GRM6: variants seen among roughly 807,000 people sequenced by gnomAD.
The protein encoded by GRM6 is glutamate metabotropic receptor 6, also known as metabotropic glutamate receptor 6.
Under a neutral mutation model 78.4 loss-of-function variants are expected in GRM6, and 73 were observed. The ratio of observed to expected loss-of-function variants is 0.93; its 90% CI spans 0.77 to 1.13. The LOEUF (loss-of-function observed/expected upper bound fraction) is 1.13, where lower values mean the gene tolerates loss of function less well. Among genes scored for constraint, GRM6 ranks in the 50% most tolerant of loss-of-function variants. The probability of loss-of-function intolerance (pLI) is 0.00; values close to 1 mark genes in which losing one functional copy is unlikely to be tolerated. For missense variants in GRM6, 1,251 were observed against 1,256.4 expected (o/e 1.00, Z 0.07); for synonymous variants, 580 against 555.0 (o/e 1.05, Z -0.63).
At chr5:178,985,259 A>G in intron 9 of GRM6, 1 of 456,612 alleles carries the variant, frequency 2.2e-6, no homozygotes, top group Non-Finnish European at 4.4e-6. Context: ...TTTAGAAAAT[A>G]ACTTCACTGT....
chr5:178,979,511 G>C lies in GRM6; in HGVS notation c.*2146C>G, dbSNP rs777780056. On this transcript the variant is annotated 3_prime_UTR_variant, in exon 11 of 11. Transcript: ENST00000517717. ...AGTACATGGGCCTCGCGGTGCATCA[G>C]AGTTCCTGCCAGAGAGGCCCACAGG... 6.6e-6 allele frequency: 1 copy of C among 152,208 alleles called. No homozygotes were observed. Among genetic ancestry groups the C allele is most frequent in the Admixed American group, 6.5e-5 (1 of 15,284 alleles). 9.4% of individuals were successfully genotyped at this position (152,208 alleles called of 1,614,324 possible).
intron 7 of GRM6, chr5:178,987,384 C>A: frequency 2.2e-6 from 1 of 464,380 alleles, no homozygotes; most frequent in South Asian, 1.5e-5. Flanking sequence ...GCGTTATTCA[C>A]ATAGCCACAA....
rs1255850314 is a variant in GRM6 at position 178,981,643 on chromosome 5, T to C, written c.*14A>G. ...AAGGAGAGGCAGCAAGCAGTCCCGTTCCCACCTGCCCTGCTACTTGTGGGC... is the reference window on the plus strand; with the variant it reads ...AAGGAGAGGCAGCAAGCAGTCCCGTCCCCACCTGCCCTGCTACTTGTGGGC... On this transcript the variant is annotated 3_prime_UTR_variant, in exon 11 of 11. Transcript: ENST00000517717. This position sits in a 1 kb window ranked among gnomAD's most constrained non-coding sequence, Gnocchi z 5.1. 1 of 1,605,388 alleles carries C rather than the reference T, an allele frequency of 6.2e-7. No individual in the cohort carries two copies. The highest frequency in any genetic ancestry group is 1.3e-5 in the African/African-American group (1 of 74,862).
chr5:178,985,338 A>G lies in GRM6; in HGVS notation c.2124+792T>C, dbSNP rs888682486. ...CCCCGTTTTCCTTCAAGGACCCAGC[A>G]GGGGAGATGGCGGCCCTAACTGAGC... On this transcript the variant is annotated intron_variant, in intron 9 of 10. Coordinates refer to ENST00000517717, the MANE Select transcript of GRM6 (RefSeq NM_000843.4). 7.2e-5 allele frequency: 32 copies of G among 446,974 alleles called. No individual in the cohort carries two copies. In the Middle Eastern group the frequency reaches 9.9e-4, roughly 14 times the overall value. The allele number at this position is 446,974 out of a possible 1,614,324, so 27.7% of individuals were successfully genotyped here.
intron 9 of GRM6, among the ~76,000 whole-genome samples, chr5:178,984,380 G>C (rs1466044533): frequency 6.6e-6 from 1 of 152,222 alleles, no homozygotes; most frequent in Non-Finnish European, 1.5e-5. Context: ...AAGCCCCATG[G>C]CCGGCGCACT....
In GRM6 at chr5:178,991,622, CGCT is replaced by C; in HGVS notation, c.722-66_722-64del. On this transcript the variant is annotated intron_variant, in intron 3 of 10. Coordinates refer to ENST00000517717, the MANE Select transcript of GRM6 (RefSeq NM_000843.4). This position sits in a 1 kb window ranked among gnomAD's most constrained non-coding sequence, Gnocchi z 5.0. ...CCCACCCACACACCCACCTGGCCAC[CGCT>C]GCAGAGGACTGTGTAGGCTGGCTGA... is the stretch of plus-strand genomic sequence containing the variant. 6.3e-7 allele frequency: 1 copy of C among 1,575,812 alleles called. No homozygotes were observed. The highest frequency in any genetic ancestry group is 8.7e-7 in the Non-Finnish European group (1 of 1,146,472).
chr5:178,988,192 C>A lies in GRM6; in HGVS notation c.1354+743G>T, dbSNP rs139803137. ...CCAGGCGAGAGGATGAGTTCAGACA[C>A]GGAGAGAGGTCTGAGTGACAGTATG... On this transcript the variant is annotated intron_variant, in intron 7 of 10. Transcript: ENST00000517717. This position sits in a 1 kb window ranked among gnomAD's most constrained non-coding sequence, Gnocchi z 6.0. Among the ~76,000 whole-genome samples, 1,129 of 152,268 alleles carry A rather than the reference C, an allele frequency of 7.4e-3. 12 individuals carry two copies. The highest frequency in any genetic ancestry group is 0.044 in the Middle Eastern group (13 of 294).
rs764767155 is a variant in GRM6 at position 178,983,181 on chromosome 5, T to C, written c.2165A>G (p.His722Arg). 4 of 1,613,312 alleles carry C rather than the reference T, an allele frequency of 2.5e-6. No individual in the cohort carries two copies. The highest frequency in any genetic ancestry group is 3.4e-6 in the Non-Finnish European group (4 of 1,179,808). ...CTGTTCCTCATAGTCAATCACGCTGTGTGGGGGCCGGGCCCCCAGCCATGC... is the reference window on the plus strand; with the variant it reads ...CTGTTCCTCATAGTCAATCACGCTGCGTGGGGGCCGGGCCCCCAGCCATGC... ...MIAWLGARPP[H>R]SVIDYEEQRT... Residue 722 changes from histidine to arginine, a missense_variant, in exon 10 of 11, where the codon CAC (histidine) becomes CGC (arginine). Physicochemically the swap from His to Arg is conservative, Grantham distance 29. Coordinates refer to ENST00000517717, the MANE Select transcript of GRM6 (RefSeq NM_000843.4).
At chr5:178,989,575 G>A (rs941519414) in intron 5 of GRM6, among the ~76,000 whole-genome samples, 170 bp from the exon 6 acceptor site, 6 of 151,276 alleles carry the variant, frequency 4.0e-5, no homozygotes, top group Middle Eastern at 3.4e-3. Context: ...TGAGTTAGGC[G>A]TGGCCAGGTG....
Position 178,991,436 on chromosome 5 carries a change from T to C in GRM6, c.845A>G (p.Glu282Gly). Residue 282 changes from glutamate to glycine, a missense_variant, in exon 4 of 11, where the codon GAG becomes GGG. By Grantham distance (98) the Glu-to-Gly change is moderately conservative. Coordinates refer to ENST00000517717, the MANE Select transcript of GRM6 (RefSeq NM_000843.4). This position sits in a 1 kb window ranked among gnomAD's most constrained non-coding sequence, Gnocchi z 5.0. ...NARGIIIFAN[E>G]DDIRRVLEAA... ...GCCACTGTCCCACCTGATGTCATCCTCATTGGCAAAGATGATGATGCCCCG... is the reference window on the plus strand; with the variant it reads ...GCCACTGTCCCACCTGATGTCATCCCCATTGGCAAAGATGATGATGCCCCG... 2 of 1,614,046 alleles carry C rather than the reference T, an allele frequency of 1.2e-6. No homozygotes were observed. Among genetic ancestry groups the C allele is most frequent in the Non-Finnish European group, 1.7e-6 (2 of 1,179,944 alleles).
rs62638622 is a variant in GRM6, at chr5:178,986,296, C to T, written c.1958G>A (p.Arg653His). 210 of 1,613,842 alleles carry T rather than the reference C, an allele frequency of 1.3e-4. No individual in the cohort carries two copies. The highest frequency in any genetic ancestry group is 6.6e-4 in the Middle Eastern group (4 of 6,060). Reference sequence around the variant, plus strand: ...CGTGCCCAGGCCCAGGAAGAGCCTGCGGGCGGCACAGACCGCGGCCCCAGG... The same window carrying T: ...CGTGCCCAGGCCCAGGAAGAGCCTGTGGGCGGCACAGACCGCGGCCCCAGG... ...AEPGAAVCAA[R>H]RLFLGLGTTL... is the part of the protein sequence containing the mutation. Residue 653 changes from arginine (R) to histidine (H), a missense_variant, in exon 9 of 11, where the codon CGC (arginine) becomes CAC (histidine). By Grantham distance (29) the Arg-to-His change is conservative. Transcript: ENST00000517717.
intron 5 of GRM6, 77 bp downstream of exon 5, chr5:178,990,515 A>T (rs1312227135): frequency 2.6e-6 from 3 of 1,165,194 alleles, no homozygotes; most frequent in Non-Finnish European, 2.6e-6. Context: ...AATTACACAG[A>T]TGCAGAAAAT....
rs1370628141 is a variant in GRM6, at chr5:178,980,027, G to A, written c.*1630C>T. 2 of 154,228 alleles carry A rather than the reference G, an allele frequency of 1.3e-5. No homozygotes were observed. Among genetic ancestry groups the A allele is most frequent in the African/African-American group, 4.8e-5 (2 of 41,376 alleles). The allele number at this position is 154,228 out of a possible 1,614,324, so 9.6% of individuals were successfully genotyped here. A position where few individuals can be genotyped will look rare whatever the true frequency, so the allele number is the denominator to read the frequency against. On this transcript the variant is annotated 3_prime_UTR_variant, in exon 11 of 11. Transcript: ENST00000517717. The surrounding 1 kb of genome is among the most constrained non-coding windows in gnomAD (Gnocchi z 4.3). ...GAGAAGCCCTAGGAACACAACAAAT[G>A]TGGAGAAGGAGAGTCAGTAGCGCAA... is the stretch of plus-strand genomic sequence containing the variant.
Position 178,986,865 on chromosome 5 carries a change from G to T in GRM6, c.1473C>A (p.Gly491=), listed in dbSNP as rs755661395. Residue 491 remains glycine (G), a synonymous_variant, in exon 8 of 11, where the codon GGC becomes GGA. Coordinates refer to ENST00000517717, the MANE Select transcript of GRM6 (RefSeq NM_000843.4). ...CCAGTCTGAGGGTCTCTGCCCACTG[G>T]CCCACTGCCTGGTACCCGCCACTGC... is the stretch of plus-strand genomic sequence containing the variant. ...SASSGGYQAV[G]QWAETLRLDV... 2 of 1,613,976 alleles carry T rather than the reference G, an allele frequency of 1.2e-6. No individual in the cohort carries two copies. The highest frequency in any genetic ancestry group is 1.7e-6 in the Non-Finnish European group (2 of 1,180,020).
Position 178,991,342 on chromosome 5 carries a change from G to T in GRM6, c.857+82C>A. 1.6e-6 allele frequency: 2 copies of T among 1,289,372 alleles called. No homozygotes were observed. Among genetic ancestry groups the T allele is most frequent in the Admixed American group, 1.7e-5 (1 of 59,634 alleles). The allele number at this position is 1,289,372 out of a possible 1,614,324, so 79.9% of individuals were successfully genotyped here. A position where few individuals can be genotyped will look rare whatever the true frequency, so the allele number is the denominator to read the frequency against. ...CAGGGGAAAGGGAGGCAGGGAGAGT[G>T]TGTAAGGTGGCGATGTGCAAGAGGA... On this transcript the variant is annotated intron_variant, in intron 4 of 10. Coordinates refer to ENST00000517717, the MANE Select transcript of GRM6 (RefSeq NM_000843.4). This position sits in a 1 kb window ranked among gnomAD's most constrained non-coding sequence, Gnocchi z 5.0.
intron 5 of GRM6, among the ~76,000 whole-genome samples, chr5:178,990,356 C>A (rs1015895295): frequency 1.4e-4 from 22 of 152,208 alleles, no homozygotes; most frequent in Admixed American, 1.4e-3. Flanking sequence ...GAAACAAAAC[C>A]AAAAACCCAA....
At chr5:178,995,017 G>A (rs1357049279) in intron 1 of GRM6, 57 bp from the exon 2 acceptor site, 1 of 990,678 alleles carries the variant, frequency 1.0e-6, no homozygotes, top group Non-Finnish European at 1.2e-6. Flanking sequence ...GAGAGCGCGG[G>A]CTCGGGGCGC....
In GRM6 at chr5:178,986,994, A is replaced by G; in HGVS notation, c.1355-11T>C. On this transcript the variant is annotated splice_polypyrimidine_tract_variant and intron_variant, in intron 7 of 10. Coordinates refer to ENST00000517717, the MANE Select transcript of GRM6 (RefSeq NM_000843.4). ...GGGTTCCTGCGCTGCCTGGAGAGAG[A>G]GTCCGTCATCCTCGGTGGTCCTCCA... is the stretch of plus-strand genomic sequence containing the variant. 1.2e-6 allele frequency: 2 copies of G among 1,612,722 alleles called. No homozygotes were observed. The highest frequency in any genetic ancestry group is 2.2e-5 in the East Asian group (1 of 44,792).
Position 178,980,240 on chromosome 5 carries a change from TAAAC to T in GRM6, c.*1413_*1416del, listed in dbSNP as rs149146546. 0.026 allele frequency: 4,011 copies of T among 154,504 alleles called. 85 individuals are homozygous for T. The highest frequency in any genetic ancestry group is 0.074 in the South Asian group (365 of 4,918). 9.6% of individuals were successfully genotyped at this position (154,504 alleles called of 1,614,324 possible). A position where few individuals can be genotyped will look rare whatever the true frequency, so the allele number is the denominator to read the frequency against. On this transcript the variant is annotated 3_prime_UTR_variant, in exon 11 of 11. Coordinates refer to ENST00000517717, the MANE Select transcript of GRM6 (RefSeq NM_000843.4). This position sits in a 1 kb window ranked among gnomAD's most constrained non-coding sequence, Gnocchi z 4.3. ...CAGACTAGAGAATGTATACTGATCT[TAAAC>T]AGTGGTCAATTTAACAAATGTAAAT...
Sources: allele counts gnomAD v4.1 joint callset (sites outside exome capture counted in the v4.1 genomes callset), GRCh38; gene constraint gnomAD v4.1.1; non-coding constraint Gnocchi (gnomAD v3.1); transcripts MANE v1.5; gene names NCBI Gene and HGNC (gene_info 2026-07-23, HGNC 2026-07-21).